The following TNR variants were observed in gnomAD, a reference collection of about 807,000 sequenced individuals.
TNR encodes the protein tenascin-R.
TNR carries 45 observed loss-of-function variants against 150.4 expected under a neutral mutation model. The ratio of observed to expected loss-of-function variants is 0.30; its 90% CI spans 0.24 to 0.38. The LOEUF (loss-of-function observed/expected upper bound fraction) is 0.38. TNR is among the 10% of genes least tolerant of loss of function. The pLI, the probability that TNR is intolerant of heterozygous loss-of-function variation, is 1.00. For missense variants in TNR, 1,544 were observed against 1,759.1 expected, an observed-to-expected ratio of 0.88 and a Z score of 2.19; for synonymous variants, 687 against 678.4, an observed-to-expected ratio of 1.01 and a Z score of -0.20.
rs757501956 is a variant in TNR at position 175,611,338 on chromosome 1, T to C, written c.-164-82969A>G. Among the ~76,000 whole-genome samples the C allele has an allele frequency of 7.9e-4, 120 of 152,212 alleles. 1 individual carries two copies. The highest frequency in any genetic ancestry group is 1.4e-3 in the Non-Finnish European group (94 of 68,016). On this transcript the variant is annotated intron_variant, in intron 1 of 22. Transcript: ENST00000367674. ...TGGTCTCCATTTCCTTCGTTTCTAC[T>C]CTTTTTTTTAAAGACATGGGGTCTT...
chr1:175,534,603 A>G (rs909973828), intron 1 of TNR, among the ~76,000 whole-genome samples: 23 of 152,198 alleles, frequency 1.5e-4, no homozygotes, highest in African/African-American at 5.3e-4. Context: ...AGCAATTTCC[A>G]TTATTCATAA....
intron 18 of TNR, 30 bp from the exon 19 acceptor site, chr1:175,337,709 G>C: frequency 6.2e-7 from 1 of 1,611,470 alleles, no homozygotes; most frequent in Non-Finnish European, 8.5e-7. Flanking sequence ...TGTCCAGAAA[G>C]GATTCTTTCT....
At chr1:175,327,934 C>A (rs1358910017) in intron 21 of TNR, among the ~76,000 whole-genome samples, 2 of 152,160 alleles carry the variant, frequency 1.3e-5, no homozygotes, top group Non-Finnish European at 2.9e-5. Flanking sequence ...ATGGCAAAAC[C>A]CCATCTCTAC....
chr1:175,457,824 C>A (rs1480727266), intron 2 of TNR, among the ~76,000 whole-genome samples: 1 of 152,122 alleles, frequency 6.6e-6, no homozygotes, highest in African/African-American at 2.4e-5. Context: ...CTCATTGAAT[C>A]CTCCTTCGTA....
At chr1:175,575,320 A>G (rs2102223318) in intron 1 of TNR, among the ~76,000 whole-genome samples, 1 of 152,330 alleles carries the variant, frequency 6.6e-6, no homozygotes, top group East Asian at 1.9e-4. Context: ...AGCATTTGGG[A>G]GCATTTTTTA....
At chr1:175,645,795 T>A (rs1428242761) in intron 1 of TNR, among the ~76,000 whole-genome samples, 1 of 152,250 alleles carries the variant, frequency 6.6e-6, no homozygotes. Flanking sequence ...TTAAAATGTA[T>A]CCATTATCTC....
intron 1 of TNR, among the ~76,000 whole-genome samples, chr1:175,536,768 A>G (rs984275294): frequency 1.3e-5 from 2 of 152,196 alleles, no homozygotes; most frequent in African/African-American, 4.8e-5. Flanking sequence ...CCAGGCACCA[A>G]AGGAAGTGGA....
At chr1:175,471,442 G>A (rs751600794) in intron 2 of TNR, among the ~76,000 whole-genome samples, 6 of 152,186 alleles carry the variant, frequency 3.9e-5, no homozygotes, top group Non-Finnish European at 8.8e-5. Flanking sequence ...GGTATATGGT[G>A]TATGTAGCCT....
At chr1:175,509,877 G>A (rs1339457500) in intron 2 of TNR, among the ~76,000 whole-genome samples, 1 of 152,116 alleles carries the variant, frequency 6.6e-6, no homozygotes, top group African/African-American at 2.4e-5. Context: ...CCAAATGGTG[G>A]AGACAGGCTT....
At chr1:175,450,570 T>C (rs116249891) in intron 2 of TNR, among the ~76,000 whole-genome samples, 1,692 of 152,310 alleles carry the variant, frequency 0.011, 41 homozygotes, top group African/African-American at 0.039. Flanking sequence ...TCACCCTGTT[T>C]ACTTGTTTTA....
At chr1:175,488,274 C>A (rs191629162) in intron 2 of TNR, among the ~76,000 whole-genome samples, 1 of 152,244 alleles carries the variant, frequency 6.6e-6, no homozygotes, top group African/African-American at 2.4e-5. Flanking sequence ...CTTTGCAGAA[C>A]AAAGAAGTTT....
chr1:175,409,558 A>C (rs12119177), intron 2 of TNR, among the ~76,000 whole-genome samples: 121,849 of 152,046 alleles, frequency 0.8, 48,914 homozygotes, highest in East Asian at 0.9. Context: ...TTTTGTAACT[A>C]CCGAAATCTT....
At chr1:175,391,939 A>G (rs1653191337) in intron 6 of TNR, among the ~76,000 whole-genome samples, 1 of 152,224 alleles carries the variant, frequency 6.6e-6, no homozygotes, top group Non-Finnish European at 1.5e-5. Flanking sequence ...TATGAGCCAG[A>G]GCTAATATTT....
chr1:175,722,339 T>G (rs1257013855), intron 1 of TNR, among the ~76,000 whole-genome samples: 1 of 152,188 alleles, frequency 6.6e-6, no homozygotes, highest in Non-Finnish European at 1.5e-5. Flanking sequence ...CATCCTCTAG[T>G]CCAAGTTGCT....
intron 1 of TNR, among the ~76,000 whole-genome samples, chr1:175,586,067 T>C (rs1662551209): frequency 1.3e-5 from 2 of 152,162 alleles, no homozygotes; most frequent in South Asian, 4.1e-4. Context: ...CAGCATGGTG[T>C]GTCCTATGAT....
At chr1:175,436,239 A>G (rs1043195474) in intron 2 of TNR, among the ~76,000 whole-genome samples, 4 of 152,164 alleles carry the variant, frequency 2.6e-5, no homozygotes, top group African/African-American at 9.7e-5. Context: ...GTGTTTTCCA[A>G]CTTGGTTCCA....
intron 20 of TNR, 118 bp from the exon 21 acceptor site, chr1:175,330,353 G>T: frequency 8.7e-7 from 1 of 1,153,178 alleles, no homozygotes; most frequent in Non-Finnish European, 1.2e-6. Context: ...ACTCCAGATT[G>T]CTTTTGCTCT....
chr1:175,572,997 AAGATTGACTG>A (rs1259662592), intron 1 of TNR, among the ~76,000 whole-genome samples: 3 of 152,118 alleles, frequency 2.0e-5, no homozygotes, highest in Non-Finnish European at 2.9e-5. Context: ...TTAAGTTGAG[AAGATTGACTG>A]TTAAATATCT....
At chr1:175,349,323 G>A (rs1005395094) in intron 18 of TNR, among the ~76,000 whole-genome samples, 5 of 152,198 alleles carry the variant, frequency 3.3e-5, no homozygotes, top group African/African-American at 1.2e-4. Flanking sequence ...GGTGGTGGGA[G>A]GTTGGAGACA....
Sources: allele counts gnomAD v4.1 joint callset (sites outside exome capture counted in the v4.1 genomes callset), GRCh38; gene constraint gnomAD v4.1.1; transcripts MANE v1.5; gene names NCBI Gene and HGNC (gene_info 2026-07-23, HGNC 2026-07-21).